RSRP1: variants seen among roughly 807,000 people sequenced by gnomAD.
The protein encoded by RSRP1 is arginine and serine rich protein 1, also known as arginine/serine-rich protein 1.
Under a neutral mutation model 33.0 loss-of-function variants are expected in RSRP1, and 37 were observed. The ratio of observed to expected loss-of-function variants is 1.12; its 90% confidence interval spans 0.86 to 1.48. The LOEUF (loss-of-function observed/expected upper bound fraction) is 1.48. Ranked by LOEUF, RSRP1 falls within the 40% of genes most tolerant of loss-of-function variation. RSRP1 has a pLI of 0.00. For missense variants in RSRP1, 402 were observed against 385.3 expected (o/e 1.04, Z -0.36); for synonymous variants, 167 against 158.7 (o/e 1.05, Z -0.40).
intron 1 of RSRP1, 69 bp from the exon 2 acceptor site, chr1:25,247,098 G>T: frequency 2.0e-6 from 2 of 993,542 alleles, no homozygotes; most frequent in Non-Finnish European, 2.8e-6. Flanking sequence ...GGAAGCCACA[G>T]TCGGGGAACC....
At chr1:25,309,589 G>A (rs1644032177) in intron 1 of RSRP1, among the ~76,000 whole-genome samples, 1 of 131,750 alleles carries the variant, frequency 7.6e-6, no homozygotes, top group African/African-American at 2.6e-5. Context: ...AGCATCTCTG[G>A]AATGCCAGTA....
upstream of RSRP1, among the ~76,000 whole-genome samples, chr1:25,251,041 G>A (rs1639762499): frequency 6.6e-6 from 1 of 151,414 alleles, no homozygotes. Flanking sequence ...AAAAAAGAAA[G>A]AAAGAAATGT....
At chr1:25,246,375 G>A in intron 2 of RSRP1, 69 bp downstream of exon 2, 1 of 1,557,690 alleles carries the variant, frequency 6.4e-7, no homozygotes, top group Non-Finnish European at 8.7e-7. Flanking sequence ...CAGCAACGTT[G>A]GTTCCCTAGC....
rs1170043301 is a variant in RSRP1, at chr1:25,314,239, A to G, written c.-67+23739T>C. On this transcript the variant is annotated intron_variant, in intron 1 of 1. Transcript: ENST00000561867. ...GCTCCTTTTACTCCACATTTTGCCA[A>G]CACTTGGTGTTTTCCTTCTTTTTGA... Among the ~76,000 whole-genome samples, 3 of 132,842 alleles carry G rather than the reference A, an allele frequency of 2.3e-5. 1 individual carries two copies. Among genetic ancestry groups the G allele is most frequent in the African/African-American group, 7.7e-5 (3 of 38,972 alleles). The allele number at this position is 132,842 out of a possible 152,430, so 87.1% of individuals were successfully genotyped here. A position where few individuals can be genotyped will look rare whatever the true frequency, so the allele number is the denominator to read the frequency against.
intron 2 of RSRP1, 90 bp downstream of exon 2, chr1:25,246,354 T>C (rs1420920977): frequency 6.5e-6 from 10 of 1,531,060 alleles, no homozygotes; most frequent in African/African-American, 5.5e-5. Flanking sequence ...GGAACTAATA[T>C]TGAAACTACA....
intron 1 of RSRP1, among the ~76,000 whole-genome samples, chr1:25,312,947 A>AAAAAAAAAAAAAAAAAAAAAG (rs1644238926): frequency 9.1e-6 from 1 of 110,162 alleles, no homozygotes; most frequent in Non-Finnish European, 2.2e-5. Flanking sequence ...AAAAAAAAAA[A>AAAAAAAAAAAAAAAAAAAAAG]AAAAAAAACT....
In RSRP1 at chr1:25,246,577, C is replaced by T; in HGVS notation, c.387G>A (p.Arg129=). ...GCTGTCCCCGCGCGATCGCGTACGC[C>T]CTTCCGCAGTACGACCTTCCCCGAG... ...SRSRGRSYCG[R]AYAIARGQRY... Residue 129 remains arginine (R), a synonymous_variant, in exon 2 of 5, where the codon AGG becomes AGA. Transcript: ENST00000243189. 1 of 1,614,222 alleles carries T rather than the reference C, an allele frequency of 6.2e-7. No individual in the cohort carries two copies. Among genetic ancestry groups the T allele is most frequent in the Non-Finnish European group, 8.5e-7 (1 of 1,180,038 alleles).
chr1:25,255,002 C>G (rs1310966336), intron 1 of RSRP1, among the ~76,000 whole-genome samples: 1 of 152,164 alleles, frequency 6.6e-6, no homozygotes, highest in Non-Finnish European at 1.5e-5. Flanking sequence ...CTTCCACGCA[C>G]ACTTTTGCTC....
intron 1 of RSRP1, among the ~76,000 whole-genome samples, chr1:25,336,769 G>C (rs534327230): frequency 6.6e-6 from 1 of 151,414 alleles, no homozygotes; most frequent in South Asian, 2.1e-4. Flanking sequence ...GCCTGCACTA[G>C]ATTCCTCCAC....
intron 1 of RSRP1, among the ~76,000 whole-genome samples, chr1:25,331,976 G>A (rs1645020776): frequency 8.0e-6 from 1 of 125,088 alleles, no homozygotes; most frequent in Non-Finnish European, 1.9e-5. Flanking sequence ...TCCTGACCTC[G>A]TGATCCACCT....
chr1:25,255,354 G>A (rs1456491808), intron 1 of RSRP1, among the ~76,000 whole-genome samples: 1 of 152,158 alleles, frequency 6.6e-6, no homozygotes, highest in African/African-American at 2.4e-5. Context: ...ACAACCAAAT[G>A]ATCACAGGTA....
chr1:25,330,953 C>CTTTTTTT lies in RSRP1; in HGVS notation c.-67+7018_-67+7024dup, dbSNP rs71014353. The stretch of plus-strand genomic sequence containing the variant: ...CTTTTACACTTCTGGTGTCATCTTC[C>CTTTTTTT]TTTTTTTTTTTTTTTTTTTTTTTTT... On this transcript the variant is annotated intron_variant, in intron 1 of 1. Transcript: ENST00000561867. Among the ~76,000 whole-genome samples the CTTTTTTT allele has an allele frequency of 2.6e-4, 9 of 34,730 alleles. 1 individual carries two copies. The highest frequency in any genetic ancestry group is 1.2e-3 in the Admixed American group (3 of 2,436). The allele number at this position is 34,730 out of a possible 152,430, so 22.8% of individuals were successfully genotyped here.
Position 25,330,305 on chromosome 1 carries a change from T to C in RSRP1, c.-67+7673A>G, listed in dbSNP as rs765378898. 7.5e-5 allele frequency: 10 copies of C among 133,230 alleles called. 4 individuals are homozygous for C. The highest frequency in any genetic ancestry group is 1.8e-4 in the Non-Finnish European group (10 of 56,128). 8.3% of individuals were successfully genotyped at this position (133,230 alleles called of 1,614,324 possible). On this transcript the variant is annotated intron_variant, in intron 1 of 1. Transcript: ENST00000561867. ...GCTTAAGAAACACATAAACACCATTTAGTCACTGAACATAGCTATATGTAT... is the reference window on the plus strand; with the variant it reads ...GCTTAAGAAACACATAAACACCATTCAGTCACTGAACATAGCTATATGTAT...
At chr1:25,287,155 G>A (rs1394815010) in intron 1 of RSRP1, among the ~76,000 whole-genome samples, 2 of 134,486 alleles carry the variant, frequency 1.5e-5, no homozygotes, top group Non-Finnish European at 3.5e-5. Context: ...ATACACACAC[G>A]CACACATGCA....
At chr1:25,270,883 A>G (rs1232727375) in intron 1 of RSRP1, among the ~76,000 whole-genome samples, 1 of 131,474 alleles carries the variant, frequency 7.6e-6, no homozygotes, top group Admixed American at 7.4e-5. Context: ...GAAAATGTAT[A>G]AAGCAAAATT....
chr1:25,318,232 G>C (rs1415981879), intron 1 of RSRP1: 1 of 129,430 alleles, frequency 7.7e-6, no homozygotes, highest in Non-Finnish European at 1.8e-5. Flanking sequence ...AGAATTGCTT[G>C]AACCCGGGAG....
At chr1:25,303,233 T>A in intron 1 of RSRP1, 1 of 1,025,884 alleles carries the variant, frequency 9.7e-7, no homozygotes, top group East Asian at 2.3e-5. Flanking sequence ...GTTACAGGGT[T>A]GCCTTGTTCC....
At chr1:25,281,425 GC>G (rs1289668868) in intron 1 of RSRP1, among the ~76,000 whole-genome samples, 1 of 131,736 alleles carries the variant, frequency 7.6e-6, no homozygotes, top group East Asian at 2.0e-4. Flanking sequence ...ATAAGTCTGG[GC>G]CCTATGCATA....
At chr1:25,266,137 G>T (rs596097) in intron 1 of RSRP1, 1 of 132,572 alleles carries the variant, frequency 7.5e-6, no homozygotes, top group Non-Finnish European at 1.8e-5. Flanking sequence ...CATTTTATCT[G>T]CAAAAGACAA....
Sources: gnomAD v4.1 joint callset for allele counts (sites outside exome capture counted in the v4.1 genomes callset) on GRCh38, gnomAD v4.1.1 for gene constraint, MANE v1.5 for transcripts, NCBI Gene and HGNC (gene_info 2026-07-23, HGNC 2026-07-21) for gene names.